SLC38A3: variants seen among roughly 807,000 people sequenced by gnomAD.
SLC38A3 encodes the protein solute carrier family 38 member 3, also known as sodium-coupled neutral amino acid transporter 3.
Under a neutral mutation model 59.5 loss-of-function variants are expected in SLC38A3, and 17 were observed. That is an observed-to-expected ratio of 0.29 (90% CI 0.20 to 0.43). SLC38A3 has a LOEUF of 0.43. SLC38A3 is among the 20% of genes least tolerant of loss of function. SLC38A3 has a pLI of 1.00. For missense variants in SLC38A3, 454 were observed against 653.9 expected, an observed-to-expected ratio of 0.69 and a Z score of 3.33; for synonymous variants, 238 against 260.3, an observed-to-expected ratio of 0.91 and a Z score of 0.82.
In SLC38A3 at chr3:50,217,191, C is replaced by T. The variant is rs587746368; in HGVS notation, c.549-47C>T. The T allele has an allele frequency of 1.4e-6, 2 of 1,453,510 alleles. No individual in the cohort carries two copies. Among genetic ancestry groups the T allele is most frequent in the South Asian group, 2.4e-5 (2 of 83,706 alleles). The allele number at this position is 1,453,510 out of a possible 1,614,324, so 90.0% of individuals were successfully genotyped here. A position where few individuals can be genotyped will look rare whatever the true frequency, so the allele number is the denominator to read the frequency against. On this transcript the variant is annotated intron_variant, in intron 7 of 15. Coordinates refer to ENST00000614032, the MANE Select transcript of SLC38A3 (RefSeq NM_006841.6). The surrounding 1 kb of genome is among the most constrained non-coding windows in gnomAD (Gnocchi z 4.9). ...GCAGAGGGAGGCAGGGGCCCCATCC[C>T]AGGCTGAATGGATTCTGACCCTGGC... is the stretch of plus-strand genomic sequence containing the variant.
chr3:50,213,989 CCCCAA>C (rs1329900951), intron 1 of SLC38A3, among the ~76,000 whole-genome samples, 155 bp from the exon 2 acceptor site: 2 of 152,166 alleles, frequency 1.3e-5, no homozygotes, highest in Non-Finnish European at 2.9e-5. Flanking sequence ...AGCTGGATTC[CCCCAA>C]CAGCAGATCC....
chr3:50,218,573 A>T lies in SLC38A3; in HGVS notation c.1037-20A>T. 4 of 1,607,336 alleles carry T rather than the reference A, an allele frequency of 2.5e-6. No homozygotes were observed. Among genetic ancestry groups the T allele is most frequent in the Non-Finnish European group, 3.4e-6 (4 of 1,176,992 alleles). On this transcript the variant is annotated intron_variant, in intron 12 of 15. Coordinates refer to ENST00000614032, the MANE Select transcript of SLC38A3 (RefSeq NM_006841.6). The surrounding 1 kb of genome is among the most constrained non-coding windows in gnomAD (Gnocchi z 5.8). ...TCCTTCCTGGGGCCACCTACTGACC[A>T]CCCTCCCTGCCTGCCACAGACGGGG...
Position 50,219,868 on chromosome 3 carries a change from T to G in SLC38A3, c.1307-13T>G. The G allele has an allele frequency of 6.2e-7, 1 of 1,605,168 alleles. No individual in the cohort carries two copies. The highest frequency in any genetic ancestry group is 8.5e-7 in the Non-Finnish European group (1 of 1,175,036). ...GATATGAGCCAGCAGTGGCCATGTC[T>G]TGTTCTTTGCAGGTGCCACATCTGC... On this transcript the variant is annotated splice_polypyrimidine_tract_variant and intron_variant, in intron 14 of 15. Transcript: ENST00000614032.
Position 50,214,618 on chromosome 3 carries a change from CT to C in SLC38A3, c.184-34del, listed in dbSNP as rs761340501. The C allele has an allele frequency of 2.0e-6, 3 of 1,526,286 alleles. No individual in the cohort carries two copies. In the African/African-American group the frequency reaches 4.1e-5, roughly 21 times the overall value. 94.5% of individuals were successfully genotyped at this position (1,526,286 alleles called of 1,614,324 possible). On this transcript the variant is annotated intron_variant, in intron 3 of 15. Transcript: ENST00000614032. This position sits in a 1 kb window ranked among gnomAD's most constrained non-coding sequence, Gnocchi z 6.0. ...CGATGCCCCTGTCCCTTGCTGACTC[CT>C]CCCACCCTCCCCGTCCCATTCTGGT...
chr3:50,211,868 G>A (rs1287833708), intron 1 of SLC38A3, among the ~76,000 whole-genome samples: 8 of 152,178 alleles, frequency 5.3e-5, no homozygotes, highest in Admixed American at 2.0e-4. Context: ...TATTACAGGC[G>A]TGAGCCACTG....
At chr3:50,211,738 G>T (rs953102483) in intron 1 of SLC38A3, among the ~76,000 whole-genome samples, 1 of 151,876 alleles carries the variant, frequency 6.6e-6, no homozygotes, top group South Asian at 2.1e-4. Flanking sequence ...ACAGGCATGC[G>T]CCACCAGCCC....
In SLC38A3 at chr3:50,218,886, T is replaced by C; in HGVS notation, c.1244T>C (p.Leu415Pro). The C allele has an allele frequency of 6.2e-7, 1 of 1,613,664 alleles. No individual in the cohort carries two copies. Among genetic ancestry groups the C allele is most frequent in the South Asian group, 1.1e-5 (1 of 91,074 alleles). The change falls in exon 14 of 16, where the codon CTC (leucine) becomes CCC (proline). Residue 415 changes from leucine (L) to proline (P), a missense_variant. Physicochemically the swap from Leu to Pro is moderately conservative, Grantham distance 98. Coordinates refer to ENST00000614032, the MANE Select transcript of SLC38A3 (RefSeq NM_006841.6). The surrounding 1 kb of genome is among the most constrained non-coding windows in gnomAD (Gnocchi z 5.8). ...CATGTGCTTATTGCCGTTGGCCTGC[T>C]CACTTGTATCAACCTGCTGGTCATC... is the stretch of plus-strand genomic sequence containing the variant. ...LRHVLIAVGL[L>P]TCINLLVIFA...
chr3:50,218,049 G>T lies in SLC38A3; in HGVS notation c.935+53G>T, dbSNP rs1699845297. ...TGGGGATGCCCTGAGCTGGTTTGGG[G>T]AGAATGGATGTGGTCCTGAATGTGG... On this transcript the variant is annotated intron_variant, in intron 11 of 15. Transcript: ENST00000614032. This position sits in a 1 kb window ranked among gnomAD's most constrained non-coding sequence, Gnocchi z 5.8. 6.5e-7 allele frequency: 1 copy of T among 1,544,898 alleles called. No homozygotes were observed. Among genetic ancestry groups the T allele is most frequent in the Non-Finnish European group, 8.9e-7 (1 of 1,120,594 alleles).
Position 50,220,753 on chromosome 3 carries a change from G to T in SLC38A3, c.*576G>T, listed in dbSNP as rs983682557. The T allele has an allele frequency of 6.1e-6, 1 of 163,238 alleles. No individual in the cohort carries two copies. The highest frequency in any genetic ancestry group is 1.4e-5 in the Non-Finnish European group (1 of 73,054). 10.1% of individuals were successfully genotyped at this position (163,238 alleles called of 1,614,324 possible). A position where few individuals can be genotyped will look rare whatever the true frequency, so the allele number is the denominator to read the frequency against. ...AGGTTCTGCTGAGGGTGGGGCTGGTGTAGGGACCCCCAAGAGACCCCTGTC... is the reference window on the plus strand; with the variant it reads ...AGGTTCTGCTGAGGGTGGGGCTGGTTTAGGGACCCCCAAGAGACCCCTGTC... On this transcript the variant is annotated 3_prime_UTR_variant, in exon 16 of 16. Coordinates refer to ENST00000614032, the MANE Select transcript of SLC38A3 (RefSeq NM_006841.6).
intron 1 of SLC38A3, among the ~76,000 whole-genome samples, chr3:50,209,058 C>T (rs1015766831): frequency 5.9e-5 from 9 of 152,298 alleles, no homozygotes; most frequent in African/African-American, 1.9e-4. Flanking sequence ...CAGGGGATTC[C>T]GGGTCAGCAG....
Position 50,215,513 on chromosome 3 carries a change from A to G in SLC38A3, c.374-31A>G. 5 of 1,613,788 alleles carry G rather than the reference A, an allele frequency of 3.1e-6. No individual in the cohort carries two copies. Among genetic ancestry groups the G allele is most frequent in the Non-Finnish European group, 4.2e-6 (5 of 1,179,738 alleles). On this transcript the variant is annotated intron_variant, in intron 5 of 15. Coordinates refer to ENST00000614032, the MANE Select transcript of SLC38A3 (RefSeq NM_006841.6). This position sits in a 1 kb window ranked among gnomAD's most constrained non-coding sequence, Gnocchi z 7.1. The stretch of plus-strand genomic sequence containing the variant: ...GGGAGCTGGTGGGTAAACTGGGACA[A>G]GCTCCTGACTTCTTGACCCTGCTCC...
chr3:50,215,160 A>C lies in SLC38A3; in HGVS notation c.300-226A>C. ...GTGCTCAGAGGGCAGTCACAGGGAC[A>C]CTCTTGACCCAGAGGGCCCCTTCTG... On this transcript the variant is annotated intron_variant, in intron 4 of 15. Transcript: ENST00000614032. This position sits in a 1 kb window ranked among gnomAD's most constrained non-coding sequence, Gnocchi z 7.1. 1 of 585,480 alleles carries C rather than the reference A, an allele frequency of 1.7e-6. No individual in the cohort carries two copies. Among genetic ancestry groups the C allele is most frequent in the Non-Finnish European group, 3.0e-6 (1 of 328,064 alleles). The allele number at this position is 585,480 out of a possible 1,614,324, so 36.3% of individuals were successfully genotyped here.
At position 50,215,002 on chromosome 3, in the gene SLC38A3, CT is replaced by C; in HGVS notation, c.299+238del. The C allele has an allele frequency of 1.7e-6, 1 of 584,830 alleles. No individual in the cohort carries two copies. 36.2% of individuals were successfully genotyped at this position (584,830 alleles called of 1,614,324 possible). On this transcript the variant is annotated intron_variant, in intron 4 of 15. Transcript: ENST00000614032. This position sits in a 1 kb window ranked among gnomAD's most constrained non-coding sequence, Gnocchi z 7.1. ...CCGGTCTTACAGGCCAGAGACTGTCCTTTTGGCACCTTACACGTGATGGCCA... is the reference window on the plus strand; with the variant it reads ...CCGGTCTTACAGGCCAGAGACTGTCCTTTGGCACCTTACACGTGATGGCCA...
In SLC38A3 at chr3:50,215,329, C is replaced by A; in HGVS notation, c.300-57C>A. The A allele has an allele frequency of 6.5e-7, 1 of 1,542,026 alleles. No individual in the cohort carries two copies. Among genetic ancestry groups the A allele is most frequent in the South Asian group, 1.1e-5 (1 of 89,256 alleles). On this transcript the variant is annotated intron_variant, in intron 4 of 15. Transcript: ENST00000614032. The surrounding 1 kb of genome is among the most constrained non-coding windows in gnomAD (Gnocchi z 7.1). ...CCTCCCAGAGCCCCTCACCCTCTGC[C>A]AGCCACGGTAGCCCCCCAGTGGCCT...
In SLC38A3 at chr3:50,218,482, T is replaced by C. The variant is rs375366868; in HGVS notation, c.1037-111T>C. ...GTGGTGCCTGGCTGTGCCTTGCCGC[T>C]GTGGAGGTGAGTCTGCATGCCAATC... On this transcript the variant is annotated intron_variant, in intron 12 of 15. Transcript: ENST00000614032. This position sits in a 1 kb window ranked among gnomAD's most constrained non-coding sequence, Gnocchi z 5.8. 459 of 1,567,712 alleles carry C rather than the reference T, an allele frequency of 2.9e-4. 3 individuals carry two copies. The East Asian group carries it at 9.0e-3, about 31-fold the overall frequency.
chr3:50,207,815 G>A (rs531163847), intron 1 of SLC38A3: 3 of 152,520 alleles, frequency 2.0e-5, no homozygotes, highest in Admixed American at 2.0e-4. Flanking sequence ...TTTCCGGCCA[G>A]TGGCCTGGGG....
At chr3:50,208,578 G>A (rs1559752107) in intron 1 of SLC38A3, among the ~76,000 whole-genome samples, 1 of 152,128 alleles carries the variant, frequency 6.6e-6, no homozygotes, top group South Asian at 2.1e-4. Context: ...GCTGTCTCTT[G>A]CTGTCTTGTT....
Position 50,218,753 on chromosome 3 carries a change from G to T in SLC38A3, c.1161+36G>T, listed in dbSNP as rs768550606. 6.3e-7 allele frequency: 1 copy of T among 1,599,026 alleles called. No homozygotes were observed. The highest frequency in any genetic ancestry group is 8.6e-7 in the Non-Finnish European group (1 of 1,167,606). ...GGGCAGGTGGCTAGACTAGTGGCGG[G>T]AGGGGCTGATGGGGCCAACAGGCTG... On this transcript the variant is annotated intron_variant, in intron 13 of 15. Coordinates refer to ENST00000614032, the MANE Select transcript of SLC38A3 (RefSeq NM_006841.6). This position sits in a 1 kb window ranked among gnomAD's most constrained non-coding sequence, Gnocchi z 5.8.
rs781677966 is a variant in SLC38A3 at position 50,218,395 on chromosome 3, G to T, written c.1036+25G>T. On this transcript the variant is annotated intron_variant, in intron 12 of 15. Transcript: ENST00000614032. This position sits in a 1 kb window ranked among gnomAD's most constrained non-coding sequence, Gnocchi z 5.8. The stretch of plus-strand genomic sequence containing the variant: ...AGTACGGTGGCACCGGTGGGCAGAG[G>T]CCTAGGCTAGGCTGGGGGGAAGGGG... The T allele has an allele frequency of 2.8e-5, 44 of 1,570,014 alleles. No individual in the cohort carries two copies. The highest frequency in any genetic ancestry group is 3.8e-5 in the Non-Finnish European group (43 of 1,139,980).
Sources: gnomAD v4.1 joint callset for allele counts (sites outside exome capture counted in the v4.1 genomes callset) on GRCh38, gnomAD v4.1.1 for gene constraint, Gnocchi (gnomAD v3.1) non-coding constraint, MANE v1.5 for transcripts, NCBI Gene and HGNC (gene_info 2026-07-23, HGNC 2026-07-21) for gene names.